The following ALCAM variants were observed in gnomAD, a reference collection of about 807,000 sequenced individuals.
ALCAM encodes activated leukocyte cell adhesion molecule.
A neutral mutation model predicts 70.9 loss-of-function variants in ALCAM; 30 were observed. The observed-to-expected ratio is 0.42, with a 90% CI of 0.32 to 0.57. ALCAM has a LOEUF of 0.57. Among genes scored for constraint, ALCAM ranks in the 20% least tolerant of loss-of-function variants. The pLI is 0.11. For synonymous variants in ALCAM, 249 were observed against 242.5 expected (o/e 1.03, Z -0.25); for missense variants, 591 against 695.1 (o/e 0.85, Z 1.68).
rs906072627 is a variant in ALCAM, at chr3:105,559,616, G to T, written c.1664+7031G>T. On this transcript the variant is annotated intron_variant, in intron 14 of 15. Transcript: ENST00000306107. ...TGTGATGGTCATATCATCTATTTCA[G>T]GGGGACACAAACATTCAGTATATAG... Among the ~76,000 whole-genome samples the T allele has an allele frequency of 2.0e-5, 3 of 152,004 alleles. No homozygotes were observed. In the East Asian group the frequency reaches 5.8e-4, roughly 29 times the overall value.
chr3:105,569,038 A>G (rs74884007), intron 14 of ALCAM, among the ~76,000 whole-genome samples: 1,611 of 152,164 alleles, frequency 0.011, 23 homozygotes, highest in African/African-American at 0.02. Flanking sequence ...TTTATATTAT[A>G]GTAGTCACTG....
intron 1 of ALCAM, among the ~76,000 whole-genome samples, chr3:105,504,641 C>G (rs1366993780): frequency 1.3e-5 from 2 of 152,314 alleles, no homozygotes; most frequent in East Asian, 1.9e-4. Context: ...TTTGTTCCCC[C>G]CACCTTCCCC....
rs76772913 is a variant in ALCAM at position 105,534,500 on chromosome 3, A to T, written c.548-163A>T. Among the ~76,000 whole-genome samples, 901 of 152,204 alleles carry T rather than the reference A, an allele frequency of 5.9e-3. 3 individuals carry two copies. The highest frequency in any genetic ancestry group is 0.012 in the South Asian group (59 of 4,820). ...GATTCTATTTCTGTGTCTCTGATTC[A>T]CGGTTTTGAAACGACATCTAACCTC... On this transcript the variant is annotated intron_variant, in intron 5 of 15. Coordinates refer to ENST00000306107, the MANE Select transcript of ALCAM (RefSeq NM_001627.4).
chr3:105,574,470 A>G lies in ALCAM; in HGVS notation c.*26-7A>G, dbSNP rs981116772. The stretch of plus-strand genomic sequence containing the variant: ...AGCTTATCTAAATTATTTTTTTTTC[A>G]TTTCAGAGATAAAAATCATATAGAC... On this transcript the variant is annotated splice_region_variant and splice_polypyrimidine_tract_variant and intron_variant, in intron 15 of 15. Transcript: ENST00000306107. 6.6e-6 allele frequency: 1 copy of G among 151,786 alleles called. No individual in the cohort carries two copies. The highest frequency in any genetic ancestry group is 1.5e-5 in the Non-Finnish European group (1 of 67,874). 9.4% of individuals were successfully genotyped at this position (151,786 alleles called of 1,614,324 possible).
rs113831531 is a variant in ALCAM, at chr3:105,491,273, C to A, written c.74-28794C>A. ...AGACCCTGGGACCAACCCATGAAAC[C>A]ATTTTTTCCTCCTAGGTCTCTGGGC... On this transcript the variant is annotated intron_variant, in intron 1 of 15. Coordinates refer to ENST00000306107, the MANE Select transcript of ALCAM (RefSeq NM_001627.4). Among the ~76,000 whole-genome samples the A allele has an allele frequency of 6.8e-3, 1,035 of 152,260 alleles. 6 individuals carry two copies. The highest frequency in any genetic ancestry group is 0.011 in the Admixed American group (169 of 15,300).
intron 1 of ALCAM, among the ~76,000 whole-genome samples, chr3:105,457,631 C>T (rs754488034): frequency 1.3e-5 from 2 of 151,884 alleles, no homozygotes; most frequent in East Asian, 1.9e-4. Flanking sequence ...ATGAATAAGA[C>T]GAAGCTGGGG....
At chr3:105,444,823 A>C (rs1428639526) in intron 1 of ALCAM, among the ~76,000 whole-genome samples, 3 of 152,180 alleles carry the variant, frequency 2.0e-5, no homozygotes, top group African/African-American at 7.2e-5. Context: ...ATGCAGTTTT[A>C]TATGATAATA....
rs186950046 is a variant in ALCAM at position 105,420,234 on chromosome 3, C to T, written c.73+52753C>T. 1.2e-3 allele frequency among the ~76,000 whole-genome samples: 177 copies of T among 151,756 alleles called. 1 individual carries two copies. The highest frequency in any genetic ancestry group is 1.9e-3 in the Non-Finnish European group (128 of 67,752). ...TTCCTCTTCCTCTCTCTCTTCCTTT[C>T]TCTCTTTATCCCTGTCTTCTACACC... On this transcript the variant is annotated intron_variant, in intron 1 of 15. Transcript: ENST00000306107.
intron 2 of ALCAM, among the ~76,000 whole-genome samples, chr3:105,523,822 G>C (rs555210230): frequency 6.6e-6 from 1 of 152,278 alleles, no homozygotes; most frequent in South Asian, 2.1e-4. Context: ...AGCTACATCA[G>C]TTTTGGTTAG....
chr3:105,478,817 A>AT (rs1176851367), intron 1 of ALCAM, among the ~76,000 whole-genome samples: 1 of 152,088 alleles, frequency 6.6e-6, no homozygotes, highest in African/African-American at 2.4e-5. Flanking sequence ...CAAGATTGTG[A>AT]TTTTTTTGGA....
intron 3 of ALCAM, among the ~76,000 whole-genome samples, chr3:105,526,380 A>T (rs1295233623): frequency 1.3e-5 from 2 of 152,166 alleles, no homozygotes; most frequent in African/African-American, 4.8e-5. Context: ...ATCTGAAAAA[A>T]ATTCAGCTGG....
At chr3:105,541,304 T>C (rs1046055003) in intron 7 of ALCAM, among the ~76,000 whole-genome samples, 1 of 151,862 alleles carries the variant, frequency 6.6e-6, no homozygotes, top group East Asian at 1.9e-4. Context: ...CCTCAAATAT[T>C]TTTGTCAAAT....
At chr3:105,473,230 A>C (rs913464954) in intron 1 of ALCAM, among the ~76,000 whole-genome samples, 3 of 151,608 alleles carry the variant, frequency 2.0e-5, no homozygotes, top group African/African-American at 7.2e-5. Flanking sequence ...GTTTAACCAA[A>C]TAAGAGTTTT....
intron 11 of ALCAM, among the ~76,000 whole-genome samples, chr3:105,549,574 C>G (rs145178402): frequency 2.6e-5 from 4 of 151,428 alleles, no homozygotes; most frequent in Middle Eastern, 3.4e-3. Context: ...CTCATTAACA[C>G]CTCACAAACA....
At position 105,498,618 on chromosome 3, in the gene ALCAM, A is replaced by G. The variant is rs1938829232; in HGVS notation, c.74-21449A>G. Among the ~76,000 whole-genome samples, 7 of 152,260 alleles carry G rather than the reference A, an allele frequency of 4.6e-5. No homozygotes were observed. The South Asian group carries it at 1.4e-3, about 32-fold the overall frequency. On this transcript the variant is annotated intron_variant, in intron 1 of 15. Coordinates refer to ENST00000306107, the MANE Select transcript of ALCAM (RefSeq NM_001627.4). ...GTCTTGTTCCATTTGTAAAGATTCC[A>G]GGAGTGTTCTGCTTTTTATAACACT...
At chr3:105,443,437 C>A (rs141862286) in intron 1 of ALCAM, among the ~76,000 whole-genome samples, 53 of 151,710 alleles carry the variant, frequency 3.5e-4, no homozygotes, top group African/African-American at 1.3e-3. Flanking sequence ...TTTCCAAAAG[C>A]TGAAAAAAAT....
chr3:105,544,148 C>G (rs746573647), intron 8 of ALCAM, among the ~76,000 whole-genome samples: 3 of 151,626 alleles, frequency 2.0e-5, no homozygotes, highest in Non-Finnish European at 4.4e-5. Context: ...GTGTGGCAAG[C>G]ATGGTCCTCT....
At chr3:105,554,275 C>T (rs1940471916) in intron 14 of ALCAM, among the ~76,000 whole-genome samples, 1 of 151,872 alleles carries the variant, frequency 6.6e-6, no homozygotes, top group African/African-American at 2.4e-5. Flanking sequence ...CTGAAACCCA[C>T]ATGGGCTAAA....
intron 14 of ALCAM, among the ~76,000 whole-genome samples, chr3:105,570,668 A>T (rs1310233359): frequency 6.6e-6 from 1 of 152,228 alleles, no homozygotes; most frequent in Admixed American, 6.5e-5. Flanking sequence ...ATTGTGGTTT[A>T]TTCACCCTAT....
Sources: allele counts gnomAD v4.1 joint callset (sites outside exome capture counted in the v4.1 genomes callset), GRCh38; gene constraint gnomAD v4.1.1; transcripts MANE v1.5; gene names NCBI Gene and HGNC (gene_info 2026-07-23, HGNC 2026-07-21).